STK32B: variants seen among roughly 807,000 people sequenced by gnomAD.
STK32B encodes serine/threonine kinase 32B, also known as serine/threonine-protein kinase 32B.
A neutral mutation model predicts 52.6 loss-of-function variants in STK32B; 43 were observed. The ratio of observed to expected loss-of-function variants is 0.82; its 90% CI spans 0.64 to 1.05. The LOEUF (loss-of-function observed/expected upper bound fraction) is 1.05, where lower values mean the gene tolerates loss of function less well. Among genes scored for constraint, STK32B ranks in the 50% least tolerant of loss-of-function variants. The pLI is 0.00. For missense variants in STK32B, 621 were observed against 534.6 expected (o/e 1.16, Z -1.59); for synonymous variants, 238 against 204.3 (o/e 1.17, Z -1.41).
chr4:5,059,647 G>A lies in STK32B; in HGVS notation c.52+7732G>A, dbSNP rs61073904. On this transcript the variant is annotated intron_variant, in intron 1 of 11. Transcript: ENST00000282908. ...AATAAGAAGATGTTATAAACCGTAC[G>A]CCAATACATTCGAAGTGGACAAAAT... 5.2e-3 allele frequency among the ~76,000 whole-genome samples: 790 copies of A among 152,216 alleles called. 7 individuals are homozygous for A. The highest frequency in any genetic ancestry group is 0.018 in the African/African-American group (751 of 41,520).
At chr4:5,264,579 G>A (rs1312486274) in intron 3 of STK32B, among the ~76,000 whole-genome samples, 1 of 151,994 alleles carries the variant, frequency 6.6e-6, no homozygotes, top group South Asian at 2.1e-4. Flanking sequence ...GAGGTCGGGG[G>A]ATCGAGACCA....
rs1199707297 is a variant in STK32B, at chr4:5,230,315, G to C, written c.260+61865G>C. Among the ~76,000 whole-genome samples the C allele has an allele frequency of 2.0e-5, 3 of 149,466 alleles. No individual in the cohort carries two copies. In the East Asian group the frequency reaches 5.9e-4, roughly 29 times the overall value. On this transcript the variant is annotated intron_variant, in intron 3 of 11. Transcript: ENST00000282908. ...AGCAATTCTCTTGTCTCAGCCTCCA[G>C]AGTAGCTGGGACTACAGGCGCCTGC...
At chr4:5,421,767 T>C (rs1560397983) in intron 6 of STK32B, among the ~76,000 whole-genome samples, 1 of 152,186 alleles carries the variant, frequency 6.6e-6, no homozygotes, top group Non-Finnish European at 1.5e-5. Flanking sequence ...CTGACCTGTA[T>C]TGGGACCTCG....
chr4:5,488,254 C>T (rs751281926), intron 11 of STK32B, among the ~76,000 whole-genome samples: 6 of 152,024 alleles, frequency 3.9e-5, no homozygotes, highest in East Asian at 1.9e-4. Flanking sequence ...GCTGAGATCA[C>T]GCCACTGCAC....
At chr4:5,281,635 A>T (rs770764008) in intron 3 of STK32B, among the ~76,000 whole-genome samples, 45 of 152,204 alleles carry the variant, frequency 3.0e-4, no homozygotes, top group Non-Finnish European at 5.6e-4. Flanking sequence ...AGCAAATAAA[A>T]AATAATAATA....
the STK32B span, among the ~76,000 whole-genome samples, chr4:5,024,114 T>C: frequency 6.6e-6 from 1 of 152,234 alleles, no homozygotes; most frequent in African/African-American, 2.4e-5. Flanking sequence ...CTGTTCTATA[T>C]TGTGATAGTG....
At chr4:5,045,809 G>C in the STK32B span, among the ~76,000 whole-genome samples, 1 of 152,240 alleles carries the variant, frequency 6.6e-6, no homozygotes, top group African/African-American at 2.4e-5. Context: ...TTTTGGGGCT[G>C]AGATGATGGG....
At chr4:5,189,545 C>T (rs1353021208) in intron 3 of STK32B, among the ~76,000 whole-genome samples, 1 of 152,118 alleles carries the variant, frequency 6.6e-6, no homozygotes, top group Admixed American at 6.5e-5. Flanking sequence ...AGTTTATTTA[C>T]CTGGTAGCCT....
At chr4:5,082,596 C>G (rs1712499772) in intron 1 of STK32B, among the ~76,000 whole-genome samples, 1 of 152,176 alleles carries the variant, frequency 6.6e-6, no homozygotes, top group Non-Finnish European at 1.5e-5. Context: ...GTAATGACAA[C>G]TCTAACTTTT....
chr4:5,358,710 C>T (rs1734339757), intron 4 of STK32B, among the ~76,000 whole-genome samples: 1 of 152,074 alleles, frequency 6.6e-6, no homozygotes, highest in African/African-American at 2.4e-5. Context: ...TGCACACACA[C>T]ACACACACAC....
chr4:5,306,552 T>G (rs745673210), intron 3 of STK32B, among the ~76,000 whole-genome samples: 1 of 152,150 alleles, frequency 6.6e-6, no homozygotes, highest in African/African-American at 2.4e-5. Flanking sequence ...GATGATTGTC[T>G]TGAAGAGAGC....
intron 6 of STK32B, among the ~76,000 whole-genome samples, chr4:5,444,504 C>T (rs1261675833): frequency 2.0e-5 from 3 of 152,182 alleles, no homozygotes; most frequent in Admixed American, 1.3e-4. Flanking sequence ...CACTGTCTGG[C>T]ACTCCCTAGT....
intron 11 of STK32B, among the ~76,000 whole-genome samples, chr4:5,474,059 A>C (rs1718043662): frequency 6.6e-6 from 1 of 152,156 alleles, no homozygotes; most frequent in Admixed American, 6.5e-5. Context: ...AGTTGCAGTG[A>C]GCCAAGACCG....
intron 1 of STK32B, among the ~76,000 whole-genome samples, chr4:5,102,254 C>G (rs1204000106): frequency 1.3e-5 from 2 of 152,126 alleles, no homozygotes; most frequent in Non-Finnish European, 2.9e-5. Context: ...CAATCCTGGG[C>G]TCTTGATGAT....
In STK32B at chr4:5,163,538, CTGTGTGTGTGTG is replaced by C. The variant is rs3077842; in HGVS notation, c.109-4729_109-4718del. On this transcript the variant is annotated intron_variant, in intron 2 of 11. Transcript: ENST00000282908. ...TAAAGAGTTTGAGATAGAGTGAAGG[CTGTGTGTGTGTG>C]TGTGTGTGTGTGTGTGTGTGTGTGT... 8.7e-3 allele frequency among the ~76,000 whole-genome samples: 1,212 copies of C among 139,424 alleles called. 15 individuals carry two copies. The highest frequency in any genetic ancestry group is 0.028 in the African/African-American group (1,053 of 37,790). 91.5% of individuals were successfully genotyped at this position (139,424 alleles called of 152,430 possible). A position where few individuals can be genotyped will look rare whatever the true frequency, so the allele number is the denominator to read the frequency against.
chr4:5,349,245 C>A (rs547314617), intron 4 of STK32B, among the ~76,000 whole-genome samples: 409 of 152,270 alleles, frequency 2.7e-3, no homozygotes, highest in Non-Finnish European at 4.8e-3. Flanking sequence ...CAGGCACATG[C>A]ACTCCATCAC....
chr4:5,407,607 G>A (rs1310463701), intron 5 of STK32B, among the ~76,000 whole-genome samples: 2 of 152,112 alleles, frequency 1.3e-5, no homozygotes, highest in Non-Finnish European at 2.9e-5. Context: ...ATGGCGGAAG[G>A]TGAAGGGGAA....
In STK32B at chr4:5,380,561, T is replaced by C. The variant is rs899018912; in HGVS notation, c.435-17646T>C. 2.6e-5 allele frequency among the ~76,000 whole-genome samples: 4 copies of C among 152,140 alleles called. No homozygotes were observed. Among genetic ancestry groups the C allele is most frequent in the South Asian group, 2.1e-4 (1 of 4,822 alleles). ...CCCTGATGGTGTGCAAAGCAGGAAG[T>C]GCAAGTCCCACCCCATAGGAGCAGC... is the stretch of plus-strand genomic sequence containing the variant. On this transcript the variant is annotated intron_variant, in intron 4 of 11. Coordinates refer to ENST00000282908, the MANE Select transcript of STK32B (RefSeq NM_018401.3). The surrounding 1 kb of genome is among the most constrained non-coding windows in gnomAD (Gnocchi z 4.3).
At chr4:5,097,584 G>A (rs1713472978) in intron 1 of STK32B, among the ~76,000 whole-genome samples, 1 of 152,194 alleles carries the variant, frequency 6.6e-6, no homozygotes, top group Non-Finnish European at 1.5e-5. Flanking sequence ...CCAAGAAGGG[G>A]AGCTCAGAAG....
Sources: allele counts gnomAD v4.1 joint callset (sites outside exome capture counted in the v4.1 genomes callset), GRCh38; gene constraint gnomAD v4.1.1; non-coding constraint Gnocchi (gnomAD v3.1); transcripts MANE v1.5; gene names NCBI Gene and HGNC (gene_info 2026-07-23, HGNC 2026-07-21).